Variants in NAV1 observed in about 807,000 individuals in gnomAD.
NAV1 encodes pore membrane and/or filament interacting like protein 3.
In NAV1, 18 loss-of-function variants were observed where a neutral mutation model predicts 175.2. The observed-to-expected ratio is 0.10, with a 90% CI of 0.07 to 0.15. NAV1 has a LOEUF of 0.15. NAV1 is among the 10% of genes least tolerant of loss of function. The pLI is 1.00. For missense variants in NAV1, 1,731 were observed against 2,436.6 expected, an observed-to-expected ratio of 0.71 and a Z score of 6.10; for synonymous variants, 897 against 978.7, an observed-to-expected ratio of 0.92 and a Z score of 1.56.
chr1:201,604,692 A>AG (rs200126264), intron 2 of NAV1, among the ~76,000 whole-genome samples: 15,343 of 150,222 alleles, frequency 0.1, 888 homozygotes, highest in East Asian at 0.14. Context: ...AAAAAAAAAA[A>AG]AAGAAGAAGA....
chr1:201,610,758 G>A (rs774501144), intron 2 of NAV1, among the ~76,000 whole-genome samples: 8 of 152,178 alleles, frequency 5.3e-5, no homozygotes, highest in Non-Finnish European at 1.2e-4. Context: ...GGAGTAAGAG[G>A]TGAAATCTTT....
chr1:201,557,874 G>A (rs1029919412), intron 1 of NAV1, among the ~76,000 whole-genome samples: 8 of 152,120 alleles, frequency 5.3e-5, no homozygotes, highest in East Asian at 1.9e-4. Context: ...CAGGGGCTGC[G>A]GAAAGGAAGC....
intron 2 of NAV1, among the ~76,000 whole-genome samples, chr1:201,605,177 C>T (rs1008021039): frequency 3.0e-4 from 46 of 150,864 alleles, no homozygotes; most frequent in Non-Finnish European, 5.9e-4. Flanking sequence ...TGCTTCTCTC[C>T]CATGCCTTTG....
chr1:201,733,854 G>A (rs183754561), intron 3 of NAV1, among the ~76,000 whole-genome samples: 40 of 152,330 alleles, frequency 2.6e-4, no homozygotes, highest in African/African-American at 8.9e-4. Flanking sequence ...GGTAGCCAGA[G>A]GCCATGTGTG....
chr1:201,669,256 A>C (rs1039072278), intron 1 of NAV1, among the ~76,000 whole-genome samples: 1 of 152,228 alleles, frequency 6.6e-6, no homozygotes, highest in East Asian at 1.9e-4. Context: ...CATTGGGTAC[A>C]TGTTATGTAG....
exon 30 of NAV1, chr1:201,822,619 G>A (rs1292234862): frequency 2.0e-5 from 3 of 152,608 alleles, no homozygotes; most frequent in Non-Finnish European, 4.4e-5. Context: ...CTCATGCTAT[G>A]ACTTTTTATT....
chr1:201,621,614 G>A (rs1263132106), upstream of NAV1, among the ~76,000 whole-genome samples: 4 of 152,334 alleles, frequency 2.6e-5, no homozygotes, highest in Non-Finnish European at 4.4e-5. Context: ...TTACAGGCGT[G>A]AGCCACTGCG....
At chr1:201,639,913 C>T (rs900292553) in intron 2 of NAV1, among the ~76,000 whole-genome samples, 3 of 152,306 alleles carry the variant, frequency 2.0e-5, no homozygotes, top group Admixed American at 1.3e-4. Context: ...TCCTTTCACA[C>T]GGTGGGCAGG....
rs1254824473 is a variant in NAV1, at chr1:201,749,483, G to A, written c.1226+30728G>A. Among the ~76,000 whole-genome samples, 7 of 152,196 alleles carry A rather than the reference G, an allele frequency of 4.6e-5. No individual in the cohort carries two copies. The East Asian group carries it at 9.6e-4, about 21-fold the overall frequency. On this transcript the variant is annotated intron_variant, in intron 3 of 29. Coordinates refer to ENST00000367296, the Ensembl canonical transcript of NAV1. ...CTCTGACTGTGTGCCTTCTGCACAC[G>A]GAGCACAGGTTGCCAACAGGCTGCT...
At position 201,785,953 on chromosome 1, in the gene NAV1, T is replaced by C. The variant is rs774061023; in HGVS notation, c.2847-476T>C. Among the ~76,000 whole-genome samples, 117 of 152,128 alleles carry C rather than the reference T, an allele frequency of 7.7e-4. 1 individual carries two copies. The highest frequency in any genetic ancestry group is 1.3e-3 in the Non-Finnish European group (89 of 67,980). On this transcript the variant is annotated intron_variant, in intron 8 of 29. Coordinates refer to ENST00000367296, the Ensembl canonical transcript of NAV1. ...GGTTATAGGTGTGCACCACCAAGCC[T>C]GGCTAAATTTTGTATTTTTAGTAGA...
chr1:201,642,517 C>T (rs1571858486), intron 2 of NAV1, among the ~76,000 whole-genome samples: 1 of 118,416 alleles, frequency 8.4e-6, no homozygotes, highest in Non-Finnish European at 1.8e-5. Flanking sequence ...CGGCCTCTTT[C>T]TTTCTTTTTT....
intron 3 of NAV1, among the ~76,000 whole-genome samples, chr1:201,764,657 AG>A (rs1164576930): frequency 2.6e-5 from 4 of 152,238 alleles, no homozygotes; most frequent in Admixed American, 6.5e-5. Flanking sequence ...TCTTAACCTT[AG>A]GGCAAAAATT....
chr1:201,681,855 C>T (rs1169481581), intron 1 of NAV1, among the ~76,000 whole-genome samples: 1 of 152,122 alleles, frequency 6.6e-6, no homozygotes, highest in Non-Finnish European at 1.5e-5. Flanking sequence ...TGGCTCACGC[C>T]TATAATCCTA....
At chr1:201,682,357 G>A (rs754401510) in intron 1 of NAV1, among the ~76,000 whole-genome samples, 11 of 151,838 alleles carry the variant, frequency 7.2e-5, no homozygotes, top group Non-Finnish European at 1.6e-4. Flanking sequence ...AACCTCTTCT[G>A]AGGTTCTTTT....
At chr1:201,748,799 A>G (rs1370648824) in intron 3 of NAV1, among the ~76,000 whole-genome samples, 1 of 152,162 alleles carries the variant, frequency 6.6e-6, no homozygotes, top group Non-Finnish European at 1.5e-5. Context: ...TTGACGTAGT[A>G]GTCTGCTCAG....
chr1:201,826,619 T>C (rs1455756524), exon 30 of NAV1: 1 of 152,056 alleles, frequency 6.6e-6, no homozygotes, highest in South Asian at 2.1e-4. Flanking sequence ...CAAACCAGGA[T>C]ATGTGTATGT....
intron 2 of NAV1, among the ~76,000 whole-genome samples, chr1:201,715,951 T>C (rs1403636452): frequency 2.0e-5 from 3 of 152,086 alleles, no homozygotes; most frequent in Non-Finnish European, 4.4e-5. Context: ...ACTGAGGATC[T>C]GAGCTAGAAT....
intron 3 of NAV1, among the ~76,000 whole-genome samples, chr1:201,721,485 T>A (rs1672382330): frequency 6.8e-6 from 1 of 148,010 alleles, no homozygotes; most frequent in Non-Finnish European, 1.5e-5. Flanking sequence ...AGCGACTCTT[T>A]AAGTGAACAT....
chr1:201,795,966 T>C (rs623025), intron 15 of NAV1: 106,281 of 151,976 alleles, frequency 0.7, 37,718 homozygotes, highest in South Asian at 0.86. Context: ...AAAGTGTTTT[T>C]AAGACTCATC....
Sources: allele counts gnomAD v4.1 joint callset (sites outside exome capture counted in the v4.1 genomes callset), GRCh38; gene constraint gnomAD v4.1.1; transcripts MANE v1.5; gene names NCBI Gene and HGNC (gene_info 2026-07-23, HGNC 2026-07-21).